Variants in CMC2 observed in about 807,000 individuals in gnomAD.
The protein encoded by CMC2 is C-X9-C motif containing 2.
CMC2 carries 5 observed loss-of-function variants against 7.5 expected under a neutral mutation model. The observed-to-expected ratio is 0.66, with a 90% CI of 0.35 to 1.40. CMC2 has a LOEUF of 1.40. CMC2 is among the 40% of genes most tolerant of loss of function. The probability of loss-of-function intolerance (pLI) is 0.04; values close to 1 mark genes in which losing one functional copy is unlikely to be tolerated. For synonymous variants in CMC2, 37 were observed against 31.4 expected (o/e 1.18, Z -0.60); for missense variants, 115 against 92.3 (o/e 1.25, Z -1.01).
chr16:80,976,426 C>G (rs1318801855), intron 3 of CMC2, among the ~76,000 whole-genome samples: 4 of 152,220 alleles, frequency 2.6e-5, no homozygotes, highest in Admixed American at 2.6e-4. Context: ...ACAGCATCTA[C>G]ATGCTAATAG....
chr16:81,000,026 C>A (rs1399544216), intron 1 of CMC2, among the ~76,000 whole-genome samples: 1 of 152,132 alleles, frequency 6.6e-6, no homozygotes, highest in African/African-American at 2.4e-5. Flanking sequence ...AACACAATTA[C>A]AACAAAAACT....
intron 2 of CMC2, among the ~76,000 whole-genome samples, chr16:80,991,554 T>A (rs1293288511): frequency 2.6e-5 from 4 of 151,282 alleles, no homozygotes; most frequent in African/African-American, 9.7e-5. Context: ...GATGAGAGGA[T>A]CACCCAGGCC....
In CMC2 at chr16:80,969,612, G is replaced by T. The variant is rs996249168; in HGVS notation, c.*6481C>A. The T allele has an allele frequency of 2.0e-5, 3 of 152,342 alleles. No homozygotes were observed. The highest frequency in any genetic ancestry group is 4.8e-5 in the African/African-American group (2 of 41,454). 9.4% of individuals were successfully genotyped at this position (152,342 alleles called of 1,614,324 possible). A position where few individuals can be genotyped will look rare whatever the true frequency, so the allele number is the denominator to read the frequency against. On this transcript the variant is annotated 3_prime_UTR_variant, in exon 4 of 4. Transcript: ENST00000219400. ...CAACAGAAGTGATGAAGAGAGCCAG[G>T]CACGGTGGTTCAGGCCTGTAATCCC...
In CMC2 at chr16:80,973,059, G is replaced by A. The variant is rs1250298609; in HGVS notation, c.*3034C>T. The A allele has an allele frequency of 6.6e-6, 1 of 152,290 alleles. No homozygotes were observed. The highest frequency in any genetic ancestry group is 1.5e-5 in the Non-Finnish European group (1 of 68,084). 9.4% of individuals were successfully genotyped at this position (152,290 alleles called of 1,614,324 possible). A position where few individuals can be genotyped will look rare whatever the true frequency, so the allele number is the denominator to read the frequency against. On this transcript the variant is annotated 3_prime_UTR_variant, in exon 4 of 4. Coordinates refer to ENST00000219400, the MANE Select transcript of CMC2 (RefSeq NM_020188.5). ...GGAAAAAGTGCGCTTGCTCTAGACA[G>A]GAGAAACAGATTTCACTCTGATCTA...
chr16:80,988,571 T>TA, intron 2 of CMC2: 1 of 700,510 alleles, frequency 1.4e-6, no homozygotes, highest in Non-Finnish European at 2.6e-6. Flanking sequence ...CTGAACCGAG[T>TA]AAGTTGCAGA....
chr16:81,004,718 T>C (rs1217341799), intron 1 of CMC2, among the ~76,000 whole-genome samples: 4 of 152,346 alleles, frequency 2.6e-5, no homozygotes, highest in Admixed American at 6.5e-5. Flanking sequence ...TTAGTGAAGA[T>C]ATAAAAATTA....
In CMC2 at chr16:80,967,777, T is replaced by A. The variant is rs954793151; in HGVS notation, c.*8316A>T. On this transcript the variant is annotated 3_prime_UTR_variant, in exon 4 of 4. Transcript: ENST00000219400. ...CAGGTCTAAATTTCTGTATGCAGAA[T>A]TGCAGAATGCTTTACTTTCTTAGCC... is the stretch of plus-strand genomic sequence containing the variant. 1 of 152,232 alleles carries A rather than the reference T, an allele frequency of 6.6e-6. No individual in the cohort carries two copies. The highest frequency in any genetic ancestry group is 1.5e-5 in the Non-Finnish European group (1 of 68,044). 9.4% of individuals were successfully genotyped at this position (152,232 alleles called of 1,614,324 possible).
At chr16:81,005,060 AG>A (rs1201350648) in intron 1 of CMC2, among the ~76,000 whole-genome samples, 4 of 152,254 alleles carry the variant, frequency 2.6e-5, no homozygotes, top group Non-Finnish European at 4.4e-5. Context: ...AAACAAGGCC[AG>A]AAAAGTCTGT....
Position 80,975,404 on chromosome 16 carries a change from A to C in CMC2, c.*689T>G, listed in dbSNP as rs1417031081. 6.6e-6 allele frequency: 1 copy of C among 152,374 alleles called. No homozygotes were observed. The highest frequency in any genetic ancestry group is 2.1e-4 in the South Asian group (1 of 4,838). The allele number at this position is 152,374 out of a possible 1,614,324, so 9.4% of individuals were successfully genotyped here. On this transcript the variant is annotated 3_prime_UTR_variant, in exon 4 of 4. Coordinates refer to ENST00000219400, the MANE Select transcript of CMC2 (RefSeq NM_020188.5). Reference sequence around the variant, plus strand: ...TGAAGTGGGCGGATCACCTAAGCTCAGGAATTTGAGATCAGCCTGGCCAAC... The same window carrying C: ...TGAAGTGGGCGGATCACCTAAGCTCCGGAATTTGAGATCAGCCTGGCCAAC...
chr16:81,006,652 G>C (rs1281915775), intron 1 of CMC2, 82 bp downstream of exon 1: 1 of 955,888 alleles, frequency 1.0e-6, no homozygotes, highest in Non-Finnish European at 1.2e-6. Context: ...GCGGCAGGAA[G>C]GGGCTCGGCG....
chr16:80,989,164 C>G (rs1330547549), intron 2 of CMC2, among the ~76,000 whole-genome samples: 7 of 152,290 alleles, frequency 4.6e-5, no homozygotes, highest in South Asian at 2.1e-4. Flanking sequence ...CACTTTGAGA[C>G]CATTTAACTA....
At chr16:81,000,752 T>A (rs560500737) in intron 1 of CMC2, among the ~76,000 whole-genome samples, 1 of 152,340 alleles carries the variant, frequency 6.6e-6, no homozygotes, top group Non-Finnish European at 1.5e-5. Context: ...GTTGTGGGAA[T>A]GTCAATTAGT....
At chr16:80,991,119 G>C (rs1229797545) in intron 2 of CMC2, among the ~76,000 whole-genome samples, 1 of 151,774 alleles carries the variant, frequency 6.6e-6, no homozygotes, top group Non-Finnish European at 1.5e-5. Context: ...AGTAGTATTG[G>C]ATTATAACCC....
Position 81,006,865 on chromosome 16 carries a change from G to A in CMC2, c.-167C>T, listed in dbSNP as rs969593471. The A allele has an allele frequency of 1.2e-4, 122 of 986,024 alleles. No homozygotes were observed. The highest frequency in any genetic ancestry group is 1.1e-3 in the African/African-American group (63 of 57,368). 61.1% of individuals were successfully genotyped at this position (986,024 alleles called of 1,614,324 possible). On this transcript the variant is annotated 5_prime_UTR_variant, in exon 1 of 4. Transcript: ENST00000219400. ...CCGAAACCCAGTGACGCCCTCCACC[G>A]CTCCACCGTGCTCCCGGCTCCTCGC...
At chr16:80,977,079 G>A (rs957982477) in intron 3 of CMC2, among the ~76,000 whole-genome samples, 1 of 152,160 alleles carries the variant, frequency 6.6e-6, no homozygotes, top group African/African-American at 2.4e-5. Context: ...AGAGTAACTA[G>A]CTCTTAGCAA....
intron 2 of CMC2, among the ~76,000 whole-genome samples, chr16:80,993,096 T>C (rs773256233): frequency 5.9e-5 from 9 of 152,236 alleles, no homozygotes; most frequent in Admixed American, 3.9e-4. Context: ...TTCATATGTA[T>C]GGTATTCTAA....
At chr16:81,002,074 C>T (rs922124490) in intron 1 of CMC2, among the ~76,000 whole-genome samples, 10 of 152,186 alleles carry the variant, frequency 6.6e-5, no homozygotes, top group South Asian at 4.1e-4. Context: ...TCTGCACCTA[C>T]ATTTATGTGA....
Position 80,966,592 on chromosome 16 carries a change from A to G in CMC2, c.*9501T>C, listed in dbSNP as rs984291990. ...TGATATTTTATAATACCAATTTCAA[A>G]ACAATATTATTTTTATTATAAAGTT... is the stretch of plus-strand genomic sequence containing the variant. On this transcript the variant is annotated 3_prime_UTR_variant, in exon 4 of 4. Transcript: ENST00000219400. The G allele has an allele frequency of 1.3e-5, 2 of 152,202 alleles. No individual in the cohort carries two copies. Among genetic ancestry groups the G allele is most frequent in the African/African-American group, 4.8e-5 (2 of 41,446 alleles). 9.4% of individuals were successfully genotyped at this position (152,202 alleles called of 1,614,324 possible).
chr16:80,980,922 C>A, intron 3 of CMC2: 1 of 680,298 alleles, frequency 1.5e-6, no homozygotes, highest in South Asian at 1.6e-5. Flanking sequence ...AACTATTACT[C>A]TTCACTGAGT....
Sources: gnomAD v4.1 joint callset for allele counts (sites outside exome capture counted in the v4.1 genomes callset) on GRCh38, gnomAD v4.1.1 for gene constraint, MANE v1.5 for transcripts, NCBI Gene and HGNC (gene_info 2026-07-23, HGNC 2026-07-21) for gene names.